The following PRPH2 variants were observed in gnomAD, a reference collection of about 807,000 sequenced individuals.
PRPH2 encodes the protein peripherin-2.
Under a neutral mutation model 31.3 loss-of-function variants are expected in PRPH2, and 17 were observed. The observed-to-expected ratio is 0.54, with a 90% CI of 0.37 to 0.81. The LOEUF is 0.81. Ranked by LOEUF, PRPH2 falls within the 40% of genes least tolerant of loss-of-function variation. PRPH2 has a pLI of 0.00. For synonymous variants in PRPH2, 165 were observed against 184.4 expected (o/e 0.89, Z 0.85); for missense variants, 430 against 439.7 (o/e 0.98, Z 0.20).
At chr6:42,718,407 G>T (rs188177145) in intron 1 of PRPH2, among the ~76,000 whole-genome samples, 10 of 152,106 alleles carry the variant, frequency 6.6e-5, no homozygotes, top group African/African-American at 2.4e-4. Context: ...GGTGATGGTT[G>T]CAGTGAGCCA....
At chr6:42,720,863 G>A (rs1168454403) in intron 1 of PRPH2, among the ~76,000 whole-genome samples, 1 of 152,240 alleles carries the variant, frequency 6.6e-6, no homozygotes, top group Non-Finnish European at 1.5e-5. Flanking sequence ...GGTGTGTTGG[G>A]AAGAGCAGCC....
intron 1 of PRPH2, among the ~76,000 whole-genome samples, chr6:42,720,869 C>T (rs2152010581): frequency 6.6e-6 from 1 of 152,362 alleles, no homozygotes; most frequent in South Asian, 2.1e-4. Flanking sequence ...TTGGGAAGAG[C>T]AGCCCGCTGG....
intron 1 of PRPH2, among the ~76,000 whole-genome samples, chr6:42,716,625 T>G (rs929031244): frequency 2.0e-4 from 29 of 146,490 alleles, no homozygotes; most frequent in African/African-American, 3.5e-4. Context: ...TTTTTTTTTT[T>G]TTTTTTTTTT....
intron 1 of PRPH2, among the ~76,000 whole-genome samples, chr6:42,719,110 G>A (rs900879964): frequency 5.3e-5 from 8 of 151,742 alleles, no homozygotes; most frequent in African/African-American, 1.9e-4. Context: ...ACTTATAATA[G>A]AGGTAAATAA....
Position 42,698,343 on chromosome 6 carries a change from C to A in PRPH2, c.993G>T (p.Gln331His). 2 of 1,613,942 alleles carry A rather than the reference C, an allele frequency of 1.2e-6. No individual in the cohort carries two copies. Among genetic ancestry groups the A allele is most frequent in the Non-Finnish European group, 1.7e-6 (2 of 1,179,838 alleles). Residue 331 changes from glutamine to histidine, a missense_variant, in exon 3 of 3, where the codon CAG becomes CAT. By Grantham distance (24) the Gln-to-His change is conservative. Transcript: ENST00000230381. ...ESVKKLGKGN[Q>H]VEAEGADAGQ... ...CTGCGTCTGCGCCCTCGGCTTCCACCTGGTTGCCCTTGCCCAGCTTCTTCA... is the reference window on the plus strand; with the variant it reads ...CTGCGTCTGCGCCCTCGGCTTCCACATGGTTGCCCTTGCCCAGCTTCTTCA...
At chr6:42,710,639 G>A (rs906925886) in intron 1 of PRPH2, among the ~76,000 whole-genome samples, 5 of 152,206 alleles carry the variant, frequency 3.3e-5, no homozygotes, top group African/African-American at 1.2e-4. Flanking sequence ...AAGGGGCCGG[G>A]GGCGGTGGAG....
In PRPH2 at chr6:42,696,792, GA is replaced by G. The variant is rs1485252213; in HGVS notation, c.*1502del. On this transcript the variant is annotated 3_prime_UTR_variant, in exon 3 of 3. Coordinates refer to ENST00000230381, the MANE Select transcript of PRPH2 (RefSeq NM_000322.5). ...CATTCCTTGGCCTCAACGAGATTCA[GA>G]AATCTAATTAAACTTGGGACCAACG... The G allele has an allele frequency of 6.6e-6, 1 of 151,882 alleles. No homozygotes were observed. The highest frequency in any genetic ancestry group is 1.5e-5 in the Non-Finnish European group (1 of 67,992). The allele number at this position is 151,882 out of a possible 1,614,324, so 9.4% of individuals were successfully genotyped here.
chr6:42,702,114 C>T (rs1800056161), intron 2 of PRPH2, among the ~76,000 whole-genome samples: 1 of 152,018 alleles, frequency 6.6e-6, no homozygotes, highest in African/African-American at 2.4e-5. Flanking sequence ...GTGGTGGGCG[C>T]CTGTAATCCC....
In PRPH2 at chr6:42,704,465, A is replaced by C; in HGVS notation, c.728T>G (p.Leu243Arg). 1 of 1,613,668 alleles carries C rather than the reference A, an allele frequency of 6.2e-7. No homozygotes were observed. Among genetic ancestry groups the C allele is most frequent in the Non-Finnish European group, 8.5e-7 (1 of 1,179,830 alleles). ...HYSYDHQTEE[L>R]NLWVRGCRAA... is the part of the protein sequence containing the mutation. ...CCTGCAGCCACGCACCCACAGGTTGAGCTCCTCCGTCTGGTGGTCGTAACT... is the reference window on the plus strand; with the variant it reads ...CCTGCAGCCACGCACCCACAGGTTGCGCTCCTCCGTCTGGTGGTCGTAACT... Residue 243 changes from leucine to arginine, a missense_variant, in exon 2 of 3, where the codon CTC becomes CGC. Coordinates refer to ENST00000230381, the MANE Select transcript of PRPH2 (RefSeq NM_000322.5).
At chr6:42,710,560 C>G (rs1011465946) in intron 1 of PRPH2, among the ~76,000 whole-genome samples, 1 of 152,154 alleles carries the variant, frequency 6.6e-6, no homozygotes, top group Non-Finnish European at 1.5e-5. Flanking sequence ...CAGAGGAGAG[C>G]GCCTTAGTGG....
Position 42,697,994 on chromosome 6 carries a change from T to A in PRPH2, c.*301A>T. 2.3e-6 allele frequency: 1 copy of A among 436,176 alleles called. No individual in the cohort carries two copies. Among genetic ancestry groups the A allele is most frequent in the African/African-American group, 2.0e-5 (1 of 50,204 alleles). The allele number at this position is 436,176 out of a possible 1,614,324, so 27.0% of individuals were successfully genotyped here. A position where few individuals can be genotyped will look rare whatever the true frequency, so the allele number is the denominator to read the frequency against. ...AAATCCGTGTGAGAAAGATGGGTCC[T>A]GGGCTAGTCGTCTGAGACAGCCCCC... On this transcript the variant is annotated 3_prime_UTR_variant, in exon 3 of 3. Coordinates refer to ENST00000230381, the MANE Select transcript of PRPH2 (RefSeq NM_000322.5).
intron 1 of PRPH2, among the ~76,000 whole-genome samples, chr6:42,718,183 C>G (rs1203323736): frequency 6.6e-6 from 1 of 151,604 alleles, no homozygotes; most frequent in Admixed American, 6.6e-5. Flanking sequence ...TGGTGGCTCA[C>G]GTCTGTAGTC....
Position 42,698,045 on chromosome 6 carries a change from G to C in PRPH2, c.*250C>G. 1 of 534,908 alleles carries C rather than the reference G, an allele frequency of 1.9e-6. No homozygotes were observed. Among genetic ancestry groups the C allele is most frequent in the East Asian group, 3.4e-5 (1 of 29,450 alleles). 33.1% of individuals were successfully genotyped at this position (534,908 alleles called of 1,614,324 possible). ...GAGTCACCAGGAGGGCATATCCTAG[G>C]GCAGCGGGCCTGAAGGGAGCTTCAC... On this transcript the variant is annotated 3_prime_UTR_variant, in exon 3 of 3. Coordinates refer to ENST00000230381, the MANE Select transcript of PRPH2 (RefSeq NM_000322.5).
chr6:42,713,919 CAAAAAAAA>C (rs55805454), intron 1 of PRPH2, among the ~76,000 whole-genome samples: 7 of 38,094 alleles, frequency 1.8e-4, no homozygotes, highest in African/African-American at 3.9e-4. Context: ...GACTCCATCT[CAAAAAAAA>C]AAAAAAAAAA....
At chr6:42,707,745 G>T (rs576797465) in intron 1 of PRPH2, among the ~76,000 whole-genome samples, 3 of 152,290 alleles carry the variant, frequency 2.0e-5, no homozygotes, top group East Asian at 3.9e-4. Flanking sequence ...TAGAAGGGCT[G>T]CATGAGGTGG....
chr6:42,702,246 A>G (rs1382023441), intron 2 of PRPH2, among the ~76,000 whole-genome samples: 1 of 151,806 alleles, frequency 6.6e-6, no homozygotes, highest in African/African-American at 2.4e-5. Context: ...CTGTCTTAAA[A>G]AAAAAAAAAG....
intron 2 of PRPH2, among the ~76,000 whole-genome samples, chr6:42,702,743 G>A (rs1339852849): frequency 1.3e-5 from 2 of 151,654 alleles, no homozygotes; most frequent in South Asian, 2.1e-4. Context: ...GGTGGTGCAC[G>A]CCTGTAATCA....
rs2152010868 is a variant in PRPH2, at chr6:42,721,782, G to A, written c.553C>T (p.Leu185=). ...FEIQWISNRY[L]DFSSKEVKDR... ...TTGACTTCTTTGGAGGAAAAGTCCA[G>A]GTAGCGATTGCTGATCCACTGAATC... Residue 185 remains leucine (L), a synonymous_variant, in exon 1 of 3, where the codon CTG becomes TTG. Transcript: ENST00000230381. The A allele has an allele frequency of 1.2e-6, 2 of 1,614,180 alleles. No individual in the cohort carries two copies. The highest frequency in any genetic ancestry group is 2.2e-5 in the East Asian group (1 of 44,886).
rs143048609 is a variant in PRPH2 at position 42,715,333 on chromosome 6, C to T, written c.581+6421G>A. ...AATGACTTGGCAACACGGTCATAGG[C>T]AGGTTGGGGATGGGGTGCAGTCACT... is the stretch of plus-strand genomic sequence containing the variant. On this transcript the variant is annotated intron_variant, in intron 1 of 2. Coordinates refer to ENST00000230381, the MANE Select transcript of PRPH2 (RefSeq NM_000322.5). Among the ~76,000 whole-genome samples, 4 of 152,212 alleles carry T rather than the reference C, an allele frequency of 2.6e-5. No individual in the cohort carries two copies. The East Asian group carries it at 7.7e-4, about 29-fold the overall frequency.
Sources: gnomAD v4.1 joint callset for allele counts (sites outside exome capture counted in the v4.1 genomes callset) on GRCh38, gnomAD v4.1.1 for gene constraint, MANE v1.5 for transcripts, NCBI Gene and HGNC (gene_info 2026-07-23, HGNC 2026-07-21) for gene names.